The following ANK2 variants were observed in gnomAD, a reference collection of about 807,000 sequenced individuals.
ANK2 encodes the protein ankyrin-2.
In ANK2, 83 loss-of-function variants were observed where a neutral mutation model predicts 360.5. The observed-to-expected ratio is 0.23, with a 90% confidence interval of 0.19 to 0.28. The LOEUF (loss-of-function observed/expected upper bound fraction) is 0.28, where lower values mean the gene tolerates loss of function less well. ANK2 is among the 10% of genes least tolerant of loss of function. The probability of loss-of-function intolerance (pLI) is 1.00; values close to 1 mark genes in which losing one functional copy is unlikely to be tolerated. For missense variants in ANK2, 4,201 were observed against 4,795.7 expected, an observed-to-expected ratio of 0.88 and a Z score of 3.66; for synonymous variants, 1,740 against 1,759.5, an observed-to-expected ratio of 0.99 and a Z score of 0.28.
chr4:112,758,188 C>A, the ANK2 span, among the ~76,000 whole-genome samples: 1 of 152,090 alleles, frequency 6.6e-6, no homozygotes, highest in Admixed American at 6.5e-5. Context: ...GCATGAGCCA[C>A]CGCGTCCGGC....
chr4:113,106,872 G>A (rs1275788378), intron 1 of ANK2: 1 of 531,202 alleles, frequency 1.9e-6, no homozygotes, highest in East Asian at 5.5e-5. Context: ...ACTAAAACTG[G>A]ATCAATTATA....
chr4:113,016,546 C>T (rs143568377), intron 2 of ANK2, among the ~76,000 whole-genome samples: 23 of 152,250 alleles, frequency 1.5e-4, no homozygotes, highest in South Asian at 4.2e-4. Context: ...GAACTGCAAC[C>T]GTAGCCTTGC....
intron 9 of ANK2, among the ~76,000 whole-genome samples, chr4:113,248,973 C>T (rs2044553842): frequency 6.6e-6 from 1 of 152,136 alleles, no homozygotes; most frequent in Admixed American, 6.5e-5. Flanking sequence ...TTGCCCATGC[C>T]ACCCTAAAGA....
the ANK2 span, among the ~76,000 whole-genome samples, chr4:112,809,163 C>G: frequency 1.3e-5 from 2 of 151,310 alleles, no homozygotes; most frequent in Non-Finnish European, 1.5e-5. Context: ...CCGGCCCAAA[C>G]TATTTAATAA....
chr4:112,868,411 GAGAC>G (rs1449453304), intron 1 of ANK2, among the ~76,000 whole-genome samples: 3 of 152,232 alleles, frequency 2.0e-5, no homozygotes, highest in South Asian at 2.1e-4. Flanking sequence ...GAGAGAGCAA[GAGAC>G]AGACAGAGAG....
chr4:112,746,571 A>G, the ANK2 span, among the ~76,000 whole-genome samples: 2 of 151,678 alleles, frequency 1.3e-5, no homozygotes, highest in Non-Finnish European at 2.9e-5. Context: ...CCTAACATGC[A>G]TAATTTTCTG....
chr4:113,382,948 CTGAG>C lies in ANK2; in HGVS notation c.*1479_*1482del, dbSNP rs1379985864. 9 of 152,616 alleles carry C rather than the reference CTGAG, an allele frequency of 5.9e-5. No individual in the cohort carries two copies. The highest frequency in any genetic ancestry group is 2.2e-4 in the African/African-American group (9 of 41,450). The allele number at this position is 152,616 out of a possible 1,614,324, so 9.5% of individuals were successfully genotyped here. ...GTCTCAAAGAAGGGACTGTAACAATCTGAGTAATTTCCATGTCCTCTTCCTTATT... is the reference window on the plus strand; with the variant it reads ...GTCTCAAAGAAGGGACTGTAACAATCTAATTTCCATGTCCTCTTCCTTATT... On this transcript the variant is annotated 3_prime_UTR_variant, in exon 46 of 46. Transcript: ENST00000357077.
chr4:113,378,633 A>C (rs888501729), intron 45 of ANK2, among the ~76,000 whole-genome samples: 6 of 152,358 alleles, frequency 3.9e-5, no homozygotes, highest in South Asian at 2.1e-4. Flanking sequence ...ATGATTCTGC[A>C]TGTGAGTGGC....
chr4:112,905,183 A>G (rs1276212936), intron 2 of ANK2, among the ~76,000 whole-genome samples: 1 of 152,226 alleles, frequency 6.6e-6, no homozygotes, highest in Non-Finnish European at 1.5e-5. Flanking sequence ...TCTACGAAAT[A>G]TTGTGAAAAT....
At position 112,840,766 on chromosome 4, in the gene ANK2, C is replaced by A. The variant is rs112923483; in HGVS notation, c.-40+22502C>A. ...TATGAGGTGAGTCTAGTAGCATCAT[C>A]CTCATTTTACAGATAAGGAAACAGA... On this transcript the variant is annotated intron_variant, in intron 1 of 30. Coordinates refer to the ANK2 transcript ENST00000503271. 5.4e-3 allele frequency among the ~76,000 whole-genome samples: 829 copies of A among 152,302 alleles called. 5 individuals are homozygous for A. Among genetic ancestry groups the A allele is most frequent in the African/African-American group, 0.019 (772 of 41,556 alleles).
intron 1 of ANK2, among the ~76,000 whole-genome samples, chr4:113,060,020 A>G (rs1194810060): frequency 6.6e-6 from 1 of 152,134 alleles, no homozygotes; most frequent in East Asian, 1.9e-4. Context: ...CAACTACGTT[A>G]CCAAAATTAA....
In ANK2 at chr4:113,343,124, A is replaced by C. The variant is rs2153983651; in HGVS notation, c.4230A>C (p.Arg1410Ser). 6.2e-7 allele frequency: 1 copy of C among 1,613,660 alleles called. No individual in the cohort carries two copies. Among genetic ancestry groups the C allele is most frequent in the Non-Finnish European group, 8.5e-7 (1 of 1,179,698 alleles). ...IFSFFAFKEN[R>S]LPLFVKVRDT... ...GTTTTTTTGCCTTCAAAGAAAATAG[A>C]CTTCCTCTATTTGTCAAGGTAATAT... Residue 1410 changes from arginine to serine, a missense_variant, in exon 34 of 46, where the codon AGA becomes AGC. Around this residue, in one of 4 missense-constraint regions of ANK2, gnomAD observed 1,268 missense variants for 1,650.8 expected, o/e 0.77. Coordinates refer to ENST00000357077, the MANE Select transcript of ANK2 (RefSeq NM_001148.6).
At chr4:112,824,662 C>T (rs2058021009) in intron 1 of ANK2, among the ~76,000 whole-genome samples, 1 of 152,018 alleles carries the variant, frequency 6.6e-6, no homozygotes, top group South Asian at 2.1e-4. Flanking sequence ...CGCCACCACA[C>T]CTGGCTAATT....
At chr4:113,165,740 A>G (rs1327660419) in intron 1 of ANK2, among the ~76,000 whole-genome samples, 1 of 152,146 alleles carries the variant, frequency 6.6e-6, no homozygotes, top group Non-Finnish European at 1.5e-5. Context: ...AAAGAAACTA[A>G]GGTGCTTACC....
rs149162510 is a variant in ANK2 at position 112,965,888 on chromosome 4, C to T, written c.21+61374C>T. On this transcript the variant is annotated intron_variant, in intron 2 of 30. Coordinates refer to the ANK2 transcript ENST00000503271. ...CAAACAATGTAATTCTATATTCTAA[C>T]TATTTTATGTATTTTATATTATAAG... 2.2e-3 allele frequency among the ~76,000 whole-genome samples: 327 copies of T among 151,842 alleles called. 1 individual carries two copies. Among genetic ancestry groups the T allele is most frequent in the African/African-American group, 7.4e-3 (306 of 41,480 alleles).
intron 1 of ANK2, among the ~76,000 whole-genome samples, chr4:112,901,114 T>C (rs906431949): frequency 1.3e-5 from 2 of 152,196 alleles, no homozygotes; most frequent in African/African-American, 2.4e-5. Flanking sequence ...TCCAACTACA[T>C]TGGAAGGCAC....
At chr4:113,143,683 G>T (rs1406857840) in intron 1 of ANK2, among the ~76,000 whole-genome samples, 4 of 152,150 alleles carry the variant, frequency 2.6e-5, no homozygotes, top group Non-Finnish European at 5.9e-5. Context: ...GTTCATATAT[G>T]TTCAAGAAGA....
At chr4:112,828,767 A>G (rs1002035457) in intron 1 of ANK2, among the ~76,000 whole-genome samples, 3 of 152,236 alleles carry the variant, frequency 2.0e-5, no homozygotes, top group Non-Finnish European at 2.9e-5. Flanking sequence ...TTTGCAAACT[A>G]TGTATCCAGC....
intron 25 of ANK2, 142 bp downstream of exon 25, chr4:113,317,951 G>T (rs1588084027): frequency 1.3e-6 from 1 of 779,198 alleles, no homozygotes. Flanking sequence ...GAGATTTGAG[G>T]GTTTTCCTAA....
Sources: allele counts gnomAD v4.1 joint callset (sites outside exome capture counted in the v4.1 genomes callset), GRCh38; gene constraint gnomAD v4.1.1; regional missense constraint gnomAD v4.1.1; transcripts MANE v1.5; gene names NCBI Gene and HGNC (gene_info 2026-07-23, HGNC 2026-07-21).